Variants in TERF1 observed in about 807,000 individuals in gnomAD.
TERF1 encodes telomeric repeat-binding factor 1.
A neutral mutation model predicts 55.1 loss-of-function variants in TERF1; 20 were observed. The ratio of observed to expected loss-of-function variants is 0.36; its 90% CI spans 0.26 to 0.53. The LOEUF (loss-of-function observed/expected upper bound fraction) is 0.53, where lower values mean the gene tolerates loss of function less well. Among genes scored for constraint, TERF1 ranks in the 20% least tolerant of loss-of-function variants. The pLI is 0.91. For missense variants in TERF1, 439 were observed against 535.7 expected (o/e 0.82, Z 1.78); for synonymous variants, 168 against 181.2 (o/e 0.93, Z 0.59).
chr8:73,013,882 T>C lies in TERF1; in HGVS notation c.320-13T>C. 1.3e-6 allele frequency: 2 copies of C among 1,578,416 alleles called. No homozygotes were observed. Among genetic ancestry groups the C allele is most frequent in the Non-Finnish European group, 1.7e-6 (2 of 1,157,894 alleles). On this transcript the variant is annotated splice_polypyrimidine_tract_variant and intron_variant, in intron 1 of 9. Coordinates refer to ENST00000276603, the MANE Select transcript of TERF1 (RefSeq NM_017489.3). ...GTTTGATTTTAATAAAATTTACTTT[T>C]TTTCTTTTTTAGCTATTATTCATGG...
At position 73,047,683 on chromosome 8, in the gene TERF1, T is replaced by C. The variant is rs555964449; in HGVS notation, c.*1546T>C. The C allele has an allele frequency of 6.6e-6, 1 of 152,386 alleles. No homozygotes were observed. Among genetic ancestry groups the C allele is most frequent in the Admixed American group, 6.5e-5 (1 of 15,302 alleles). 9.4% of individuals were successfully genotyped at this position (152,386 alleles called of 1,614,324 possible). A position where few individuals can be genotyped will look rare whatever the true frequency, so the allele number is the denominator to read the frequency against. Reference sequence around the variant, plus strand: ...TTGTATTTCCTATTAAGGTTTCATATATTACTTTCCCATTGTTCCTGAATT... The same window carrying C: ...TTGTATTTCCTATTAAGGTTTCATACATTACTTTCCCATTGTTCCTGAATT... On this transcript the variant is annotated 3_prime_UTR_variant, in exon 10 of 10. Transcript: ENST00000276603.
At chr8:73,044,255 T>C (rs76441996) in intron 9 of TERF1, among the ~76,000 whole-genome samples, 61 of 152,290 alleles carry the variant, frequency 4.0e-4, no homozygotes, top group African/African-American at 1.4e-3. Flanking sequence ...CAGTTGCCGA[T>C]AGGTGTGCTG....
At chr8:73,028,208 C>T (rs1809103332) in intron 6 of TERF1, among the ~76,000 whole-genome samples, 1 of 152,114 alleles carries the variant, frequency 6.6e-6, no homozygotes, top group Non-Finnish European at 1.5e-5. Flanking sequence ...TATGGACTCT[C>T]CTTATATAGT....
At chr8:73,033,472 A>G (rs112517249) in intron 8 of TERF1, among the ~76,000 whole-genome samples, 2,385 of 152,276 alleles carry the variant, frequency 0.016, 57 homozygotes, top group African/African-American at 0.055. Context: ...GCTCACGCCT[A>G]TAGTCCTAGC....
chr8:73,014,617 A>G (rs1274249827), intron 2 of TERF1, among the ~76,000 whole-genome samples: 1 of 152,264 alleles, frequency 6.6e-6, no homozygotes, highest in African/African-American at 2.4e-5. Context: ...TCATTTTAAA[A>G]GGCTATTTGA....
chr8:73,014,743 C>T (rs992285210), intron 2 of TERF1, among the ~76,000 whole-genome samples: 10 of 152,222 alleles, frequency 6.6e-5, no homozygotes, highest in Non-Finnish European at 2.9e-5. Flanking sequence ...TGTTGTCTTA[C>T]ATAAAATCCC....
chr8:73,026,205 A>C (rs1374296322), intron 5 of TERF1, among the ~76,000 whole-genome samples: 1 of 148,626 alleles, frequency 6.7e-6, no homozygotes, highest in Non-Finnish European at 1.5e-5. Flanking sequence ...CTCAAAAAAA[A>C]ACACATTTCT....
chr8:73,009,153 T>G lies in TERF1; in HGVS notation c.267T>G (p.Ala89=), dbSNP rs776328276. The change falls in exon 1 of 10, where the codon GCT becomes GCG. Residue 89 remains alanine (A), a synonymous_variant. Coordinates refer to ENST00000276603, the MANE Select transcript of TERF1 (RefSeq NM_017489.3). ...TCCTCTGCCTCTCTCTTTGCCGAGC[T>G]TTCCGCGACGGCCGCTCCGAGGACT... The part of the protein sequence containing the change: ...LDFLCLSLCR[A]FRDGRSEDFR... 6.2e-7 allele frequency: 1 copy of G among 1,611,162 alleles called. No homozygotes were observed. The highest frequency in any genetic ancestry group is 8.5e-7 in the Non-Finnish European group (1 of 1,179,850).
intron 2 of TERF1, among the ~76,000 whole-genome samples, chr8:73,020,286 C>T (rs1199211379): frequency 2.0e-5 from 3 of 152,100 alleles, no homozygotes; most frequent in East Asian, 3.9e-4. Flanking sequence ...ATTATATATT[C>T]ACATAAATTC....
rs551871550 is a variant in TERF1, at chr8:73,040,167, T to C, written c.1143+948T>C. On this transcript the variant is annotated intron_variant, in intron 9 of 9. Coordinates refer to ENST00000276603, the MANE Select transcript of TERF1 (RefSeq NM_017489.3). ...CAAGCAACTTCTACTTTTCATTTGC[T>C]TCCTACACATATTACTTGCCTTTGT... 7.2e-5 allele frequency among the ~76,000 whole-genome samples: 11 copies of C among 152,262 alleles called. 1 individual carries two copies. In the South Asian group the frequency reaches 2.3e-3, roughly 32 times the overall value.
At chr8:73,044,843 T>C (rs1226791259) in intron 9 of TERF1, among the ~76,000 whole-genome samples, 2 of 152,154 alleles carry the variant, frequency 1.3e-5, no homozygotes, top group Non-Finnish European at 2.9e-5. Context: ...TTATCCATGT[T>C]CTAGAATGCG....
intron 5 of TERF1, among the ~76,000 whole-genome samples, chr8:73,026,278 G>A (rs149426779): frequency 1.2e-3 from 182 of 151,300 alleles, no homozygotes; most frequent in Admixed American, 1.5e-3. Flanking sequence ...TGGGTGGATC[G>A]CTTGAGCCCA....
intron 4 of TERF1, among the ~76,000 whole-genome samples, chr8:73,022,956 G>A (rs1808831980): frequency 6.6e-6 from 1 of 152,038 alleles, no homozygotes; most frequent in African/African-American, 2.4e-5. Flanking sequence ...TAATAAAATA[G>A]TATAGTATTT....
At chr8:73,009,235 T>A (rs1234627996) in intron 1 of TERF1, 30 bp downstream of exon 1, 1 of 1,585,634 alleles carries the variant, frequency 6.3e-7, no homozygotes, top group African/African-American at 1.3e-5. Context: ...GGGCCGGGAC[T>A]ACGCGGGGGG....
rs184596235 is a variant in TERF1 at position 73,016,346 on chromosome 8, T to A, written c.415+2356T>A. On this transcript the variant is annotated intron_variant, in intron 2 of 9. Coordinates refer to ENST00000276603, the MANE Select transcript of TERF1 (RefSeq NM_017489.3). ...TTGACAAGATTGGACATGTTTGGGG[T>A]GATGTGGCTGTAGACCCCCACGTAG... 2.4e-4 allele frequency among the ~76,000 whole-genome samples: 36 copies of A among 151,880 alleles called. 1 individual carries two copies. Among genetic ancestry groups the A allele is most frequent in the Admixed American group, 2.2e-3 (33 of 15,222 alleles).
chr8:73,025,754 CAAAAAAAAAAA>C (rs35028162), intron 5 of TERF1, among the ~76,000 whole-genome samples: 3 of 47,264 alleles, frequency 6.3e-5, no homozygotes, highest in East Asian at 1.1e-3. Flanking sequence ...GACTCTGTCT[CAAAAAAAAAAA>C]AAAAAAAAAA....
chr8:73,029,750 AGG>A (rs1809198328), intron 6 of TERF1, among the ~76,000 whole-genome samples: 1 of 152,224 alleles, frequency 6.6e-6, no homozygotes, highest in South Asian at 2.1e-4. Flanking sequence ...AGTCTTGAAC[AGG>A]GGCTTTTGTA....
rs772165224 is a variant in TERF1, at chr8:73,047,865, A to G, written c.*1728A>G. On this transcript the variant is annotated 3_prime_UTR_variant, in exon 10 of 10. Transcript: ENST00000276603. ...GAGCCAAAATAGACTTGTTAAGTCA[A>G]CCTCATTCCAAACACCTGCTATAGA... The G allele has an allele frequency of 4.6e-5, 7 of 152,216 alleles. No individual in the cohort carries two copies. The highest frequency in any genetic ancestry group is 1.0e-4 in the Non-Finnish European group (7 of 68,046). 9.4% of individuals were successfully genotyped at this position (152,216 alleles called of 1,614,324 possible).
intron 4 of TERF1, 148 bp from the exon 5 acceptor site, chr8:73,024,674 G>T: frequency 1.7e-6 from 1 of 574,608 alleles, no homozygotes; most frequent in Non-Finnish European, 2.9e-6. Flanking sequence ...AGGTACATTG[G>T]CATGCCATTT....
Sources: gnomAD v4.1 joint callset for allele counts (sites outside exome capture counted in the v4.1 genomes callset) on GRCh38, gnomAD v4.1.1 for gene constraint, MANE v1.5 for transcripts, NCBI Gene and HGNC (gene_info 2026-07-23, HGNC 2026-07-21) for gene names.